The following RASAL1 variants were observed in gnomAD, a reference collection of about 807,000 sequenced individuals.
RASAL1 encodes the protein rasGAP-activating-like protein 1.
A neutral mutation model predicts 96.6 loss-of-function variants in RASAL1; 72 were observed. The ratio of observed to expected loss-of-function variants is 0.75; its 90% confidence interval spans 0.62 to 0.91. The LOEUF (loss-of-function observed/expected upper bound fraction) is 0.91. RASAL1 is among the 40% of genes least tolerant of loss of function. The pLI is 0.00. For synonymous variants in RASAL1, 405 were observed against 430.4 expected (o/e 0.94, Z 0.73); for missense variants, 1,016 against 1,072.5 (o/e 0.95, Z 0.74).
chr12:113,112,037 C>A (rs1242275550), intron 13 of RASAL1, 49 bp downstream of exon 13: 1 of 1,227,938 alleles, frequency 8.1e-7, no homozygotes, highest in African/African-American at 1.6e-5. Context: ...CGAGTGACCC[C>A]GGACAAGCTC....
intron 4 of RASAL1, among the ~76,000 whole-genome samples, chr12:113,124,929 A>T (rs1951426604): frequency 6.6e-6 from 1 of 152,206 alleles, no homozygotes; most frequent in Non-Finnish European, 1.5e-5. Flanking sequence ...ATCTAGGCAA[A>T]TTCCAAATAG....
chr12:113,135,400 G>A lies in RASAL1; in HGVS notation c.63C>T (p.Asp21=), dbSNP rs1326045381. 6.2e-7 allele frequency: 1 copy of A among 1,608,766 alleles called. No homozygotes were observed. Among genetic ancestry groups the A allele is most frequent in the South Asian group, 1.1e-5 (1 of 90,156 alleles). ...AGAAGCGCCCGAGGAGTACTCACAC[G>A]TCCTTGGCAGGCAGCGCGCGGCCCT... ...VVEGRALPAK[D]VSGSSDPYCL... Residue 21 remains aspartate, a splice_region_variant and synonymous_variant, in exon 1 of 21, where the codon GAC becomes GAT. Coordinates refer to ENST00000548055, the MANE Select transcript of RASAL1 (RefSeq NM_001301202.2). This position sits in a 1 kb window ranked among gnomAD's most constrained non-coding sequence, Gnocchi z 5.7.
intron 1 of RASAL1, among the ~76,000 whole-genome samples, chr12:113,132,307 C>G (rs1219263486): frequency 6.6e-6 from 1 of 152,134 alleles, no homozygotes; most frequent in African/African-American, 2.4e-5. Context: ...TATTGTCTCC[C>G]CACCTCCCTG....
Position 113,104,173 on chromosome 12 carries a change from G to A in RASAL1, c.1956C>T (p.Tyr652=), listed in dbSNP as rs371501617. 1 of 1,610,594 alleles carries A rather than the reference G, an allele frequency of 6.2e-7. No individual in the cohort carries two copies. Residue 652 remains tyrosine, a synonymous_variant, in exon 17 of 21, where the codon TAC becomes TAT. Transcript: ENST00000548055. The part of the protein sequence containing the change: ...QDGTGALHTT[Y]LQCKNVNELN... ...GGTGGGGTCTCACCTTGCACTGGAGGTAGGTGGTGTGCAGCGCCCCCGTGC... is the reference window on the plus strand; with the variant it reads ...GGTGGGGTCTCACCTTGCACTGGAGATAGGTGGTGTGCAGCGCCCCCGTGC...
At chr12:113,119,493 C>T in intron 5 of RASAL1, 50 bp from the exon 6 acceptor site, 2 of 1,530,978 alleles carry the variant, frequency 1.3e-6, no homozygotes, top group South Asian at 2.3e-5. Context: ...CCAAGTTGGG[C>T]CTTGGAAAGG....
In RASAL1 at chr12:113,103,992, G is replaced by C. The variant is rs1402639419; in HGVS notation, c.2058C>G (p.Ala686=). ...PNKLAACHPG[A]FRSARWTCCL... ...AGCAGGTCCAGCGCGCGCTGCGGAAGGCACCGGGGTGGCAGGCGGCCAGCT... is the reference window on the plus strand; with the variant it reads ...AGCAGGTCCAGCGCGCGCTGCGGAACGCACCGGGGTGGCAGGCGGCCAGCT... Residue 686 remains alanine (A), a synonymous_variant, in exon 18 of 21, where the codon GCC becomes GCG. Coordinates refer to ENST00000548055, the MANE Select transcript of RASAL1 (RefSeq NM_001301202.2). 1 of 1,570,898 alleles carries C rather than the reference G, an allele frequency of 6.4e-7. No individual in the cohort carries two copies. Among genetic ancestry groups the C allele is most frequent in the African/African-American group, 1.3e-5 (1 of 74,268 alleles).
At chr12:113,122,253 A>G (rs920055548) in intron 4 of RASAL1, among the ~76,000 whole-genome samples, 1 of 152,204 alleles carries the variant, frequency 6.6e-6, no homozygotes, top group South Asian at 2.1e-4. Flanking sequence ...AAAGAACTTC[A>G]TCATGTAATC....
At chr12:113,124,133 G>A (rs541327506) in intron 4 of RASAL1, among the ~76,000 whole-genome samples, 11 of 150,078 alleles carry the variant, frequency 7.3e-5, no homozygotes, top group African/African-American at 1.2e-4. Flanking sequence ...CATGAGAATC[G>A]CTTGAAACTG....
At chr12:113,126,391 G>A (rs184357681) in intron 4 of RASAL1, among the ~76,000 whole-genome samples, 81 of 151,442 alleles carry the variant, frequency 5.3e-4, no homozygotes, top group East Asian at 1.2e-3. Context: ...TATTAAGAGC[G>A]CAGACTCGGC....
At position 113,115,568 on chromosome 12, in the gene RASAL1, C is replaced by T; in HGVS notation, c.1003+67G>A. 1 of 1,567,562 alleles carries T rather than the reference C, an allele frequency of 6.4e-7. No individual in the cohort carries two copies. The highest frequency in any genetic ancestry group is 8.6e-7 in the Non-Finnish European group (1 of 1,156,082). The stretch of plus-strand genomic sequence containing the variant: ...CTCTGCCTGAGGCCTCCCCATTCCT[C>T]CCCCAGGACCCTCCTGCAAGCCCAC... On this transcript the variant is annotated intron_variant, in intron 10 of 20. Transcript: ENST00000548055. The surrounding 1 kb of genome is among the most constrained non-coding windows in gnomAD (Gnocchi z 4.1).
chr12:113,119,905 T>C (rs1951228135), intron 5 of RASAL1, among the ~76,000 whole-genome samples: 1 of 152,138 alleles, frequency 6.6e-6, no homozygotes, highest in Non-Finnish European at 1.5e-5. Flanking sequence ...ACCAACCTCA[T>C]AGAGCCGAGG....
In RASAL1 at chr12:113,104,033, C is replaced by A; in HGVS notation, c.2017G>T (p.Ala673Ser). Residue 673 changes from alanine to serine, a missense_variant, in exon 18 of 21, where the codon GCC becomes TCC. Ala to Ser is a moderately conservative substitution (Grantham distance 99, BLOSUM62 1). Transcript: ENST00000548055. ...GCGGCCAGCTTGTTCGGGTTGGGGG[C>A]GCTGGCCTTGCGCAAGGCCGAGAGC... is the stretch of plus-strand genomic sequence containing the variant. Reference protein sequence around the residue: ...QWLSALRKASAPNPNKLAACH... With the variant: ...QWLSALRKASSPNPNKLAACH... 6.4e-7 allele frequency: 1 copy of A among 1,553,218 alleles called. No homozygotes were observed. The highest frequency in any genetic ancestry group is 8.7e-7 in the Non-Finnish European group (1 of 1,146,098).
chr12:113,131,438 C>G (rs1056925922), intron 1 of RASAL1, among the ~76,000 whole-genome samples: 8 of 152,238 alleles, frequency 5.3e-5, no homozygotes, highest in Admixed American at 5.2e-4. Context: ...CCAGCTCTCC[C>G]CTGCAGGGGC....
chr12:113,123,922 T>C (rs1266857225), intron 4 of RASAL1, among the ~76,000 whole-genome samples: 2 of 152,042 alleles, frequency 1.3e-5, no homozygotes, highest in African/African-American at 2.4e-5. Flanking sequence ...GGATTTCCCG[T>C]TCTATAAAGA....
rs368508759 is a variant in RASAL1 at position 113,121,726 on chromosome 12, ATT to A, written c.299-90_299-89del. ...TAAAAATTCAATTAACATTATTTTC[ATT>A]TTTTTTTTTTTGACACAGGGTCTGG... On this transcript the variant is annotated intron_variant, in intron 4 of 20. Transcript: ENST00000548055. 10,107 of 1,153,402 alleles carry A rather than the reference ATT, an allele frequency of 8.8e-3. 143 individuals carry two copies. Among genetic ancestry groups the A allele is most frequent in the African/African-American group, 0.074 (4,678 of 63,070 alleles). The allele number at this position is 1,153,402 out of a possible 1,614,324, so 71.4% of individuals were successfully genotyped here.
Position 113,135,231 on chromosome 12 carries a change from T to C in RASAL1, c.65+167A>G, listed in dbSNP as rs1951870462. Among the ~76,000 whole-genome samples, 1 of 151,544 alleles carries C rather than the reference T, an allele frequency of 6.6e-6. No homozygotes were observed. Among genetic ancestry groups the C allele is most frequent in the South Asian group, 2.1e-4 (1 of 4,794 alleles). On this transcript the variant is annotated intron_variant, in intron 1 of 20. Coordinates refer to ENST00000548055, the MANE Select transcript of RASAL1 (RefSeq NM_001301202.2). The surrounding 1 kb of genome is among the most constrained non-coding windows in gnomAD (Gnocchi z 5.7). ...CGCCCCCCTCCCACCGGGACAGCCA[T>C]GGGCATGCGGCCTCTCGCCCCTTTA...
At chr12:113,112,413 C>A (rs1950903957) in intron 12 of RASAL1, 135 bp from the exon 13 acceptor site, 1 of 610,616 alleles carries the variant, frequency 1.6e-6, no homozygotes, top group East Asian at 3.5e-5. Context: ...CCCTTCCCAC[C>A]GGGTTTCTTG....
Position 113,100,309 on chromosome 12 carries a change from T to G in RASAL1, c.2279-241A>C, listed in dbSNP as rs183272138. 8.9e-3 allele frequency among the ~76,000 whole-genome samples: 1,361 copies of G among 152,256 alleles called. 21 individuals are homozygous for G. The highest frequency in any genetic ancestry group is 0.031 in the African/African-American group (1,269 of 41,538). On this transcript the variant is annotated intron_variant, in intron 20 of 20. Transcript: ENST00000548055. Reference sequence around the variant, plus strand: ...TCCTTAACCCCTTAGCTTCTTTTTTTGGGGGTGGAGGCAGAGTCTTGCTGT... The same window carrying G: ...TCCTTAACCCCTTAGCTTCTTTTTTGGGGGGTGGAGGCAGAGTCTTGCTGT...
chr12:113,126,390 C>T (rs1034485228), intron 4 of RASAL1, among the ~76,000 whole-genome samples: 6 of 151,820 alleles, frequency 4.0e-5, no homozygotes, highest in Admixed American at 1.3e-4. Context: ...GTATTAAGAG[C>T]GCAGACTCGG....
Sources: gnomAD v4.1 joint callset for allele counts (sites outside exome capture counted in the v4.1 genomes callset) on GRCh38, gnomAD v4.1.1 for gene constraint, Gnocchi (gnomAD v3.1) non-coding constraint, MANE v1.5 for transcripts, NCBI Gene and HGNC (gene_info 2026-07-23, HGNC 2026-07-21) for gene names.